SPATS2L: variants seen among roughly 807,000 people sequenced by gnomAD.
SPATS2L encodes spermatogenesis associated serine rich 2 like.
In SPATS2L, 30 loss-of-function variants were observed where a neutral mutation model predicts 59.6. The ratio of observed to expected loss-of-function variants is 0.50; its 90% CI spans 0.38 to 0.68. SPATS2L has a LOEUF of 0.68. SPATS2L is among the 30% of genes least tolerant of loss of function. The pLI is 0.00. For synonymous variants in SPATS2L, 252 were observed against 263.5 expected (o/e 0.96, Z 0.42); for missense variants, 615 against 700.0 (o/e 0.88, Z 1.37).
intron 3 of SPATS2L, among the ~76,000 whole-genome samples, chr2:200,406,317 T>C (rs1361993309): frequency 6.6e-6 from 1 of 152,110 alleles, no homozygotes; most frequent in Non-Finnish European, 1.5e-5. Flanking sequence ...TTTAGCTTTA[T>C]TATTTTTATT....
intron 3 of SPATS2L, among the ~76,000 whole-genome samples, chr2:200,408,675 G>A (rs1479296729): frequency 6.6e-6 from 1 of 152,218 alleles, no homozygotes; most frequent in East Asian, 1.9e-4. Context: ...GTGCAGAGAA[G>A]GCAAGTTAGT....
chr2:200,446,681 T>G (rs2085070368), intron 8 of SPATS2L, among the ~76,000 whole-genome samples: 1 of 152,152 alleles, frequency 6.6e-6, no homozygotes. Flanking sequence ...TCGGTTCTGC[T>G]GGAGCACCTT....
rs1337476410 is a variant in SPATS2L, at chr2:200,419,295, A to G, written c.244A>G (p.Lys82Glu). 1.3e-6 allele frequency: 2 copies of G among 1,599,060 alleles called. No individual in the cohort carries two copies. Among genetic ancestry groups the G allele is most frequent in the East Asian group, 4.5e-5 (2 of 44,272 alleles). The change falls in exon 6 of 13, where the codon AAA (lysine) becomes GAA (glutamate). Residue 82 changes from lysine to glutamate, a missense_variant. This residue lies in a region of SPATS2L where 227 missense variants were observed against 257.4 expected (regional missense o/e 0.88). Coordinates refer to ENST00000409140, the MANE Select transcript of SPATS2L (RefSeq NM_001100423.2). ...RSKSKQHQGN[K>E]DAKDKVERPE... is the part of the protein sequence containing the mutation. ...CAAGTCCAAGCAGCATCAAGGCAAC[A>G]AAGATGCTAAAGACAAGGTGGAGAG... is the stretch of plus-strand genomic sequence containing the variant.
chr2:200,373,270 C>CAAAAAAA (rs3856514), intron 2 of SPATS2L: 18 of 105,990 alleles, frequency 1.7e-4, no homozygotes, highest in African/African-American at 2.7e-4. Context: ...ACTGCCTTAA[C>CAAAAAAA]AAAAAAAAAA....
chr2:200,441,739 T>A (rs1430956202), intron 8 of SPATS2L, among the ~76,000 whole-genome samples: 3 of 152,144 alleles, frequency 2.0e-5, no homozygotes, highest in Non-Finnish European at 4.4e-5. Flanking sequence ...GAGGGCTTCA[T>A]CTGAAATAGC....
In SPATS2L at chr2:200,306,708, G is replaced by A. The variant is rs538611368; in HGVS notation, c.-287G>A. Reference sequence around the variant, plus strand: ...GCCGAGCCGGAGTTGTGTCAGTGAAGGAATCCAGTCCGGGGGCCGAGCTGG... The same window carrying A: ...GCCGAGCCGGAGTTGTGTCAGTGAAAGAATCCAGTCCGGGGGCCGAGCTGG... On this transcript the variant is annotated 5_prime_UTR_variant, in exon 1 of 13. Coordinates refer to ENST00000409140, the MANE Select transcript of SPATS2L (RefSeq NM_001100423.2). The A allele has an allele frequency of 2.1e-4, 211 of 984,140 alleles. 1 individual carries two copies. The South Asian group carries it at 8.9e-3, about 41-fold the overall frequency. 61.0% of individuals were successfully genotyped at this position (984,140 alleles called of 1,614,324 possible).
At chr2:200,419,026 T>C (rs374102332) in intron 5 of SPATS2L, among the ~76,000 whole-genome samples, 47 of 152,298 alleles carry the variant, frequency 3.1e-4, no homozygotes, top group African/African-American at 1.1e-3. Context: ...TATTGGAACC[T>C]TTTTTATTGT....
chr2:200,374,544 A>G (rs961947830), intron 2 of SPATS2L, among the ~76,000 whole-genome samples: 1 of 152,088 alleles, frequency 6.6e-6, no homozygotes, highest in African/African-American at 2.4e-5. Flanking sequence ...CCCACCAAGA[A>G]TAGGCATTGG....
At chr2:200,445,318 ATAAT>A (rs574006392) in intron 8 of SPATS2L, among the ~76,000 whole-genome samples, 1 of 152,182 alleles carries the variant, frequency 6.6e-6, no homozygotes, top group African/African-American at 2.4e-5. Context: ...GCCTCAAAAA[ATAAT>A]TAATAATAAA....
In SPATS2L at chr2:200,478,330, A is replaced by T. The variant is rs1450334771; in HGVS notation, c.*299A>T. The T allele has an allele frequency of 3.7e-5, 9 of 245,304 alleles. No homozygotes were observed. The highest frequency in any genetic ancestry group is 6.2e-5 in the Non-Finnish European group (8 of 129,594). The allele number at this position is 245,304 out of a possible 1,614,324, so 15.2% of individuals were successfully genotyped here. On this transcript the variant is annotated 3_prime_UTR_variant, in exon 13 of 13. Coordinates refer to ENST00000409140, the MANE Select transcript of SPATS2L (RefSeq NM_001100423.2). Reference sequence around the variant, plus strand: ...CTGAAGATCAGAGGCTCAGTTAGCAACCTGTGTTGTAGCAGTGATGTCAGT... The same window carrying T: ...CTGAAGATCAGAGGCTCAGTTAGCATCCTGTGTTGTAGCAGTGATGTCAGT...
rs1350594643 is a variant in SPATS2L, at chr2:200,306,829, C to T, written c.-166C>T. ...CCCGCTCGGCCCGCCCTCCGAGCCG[C>T]AGGGGCCGCCACCGCCGCGGCGCCT... On this transcript the variant is annotated 5_prime_UTR_variant, in exon 1 of 13. Transcript: ENST00000409140. 1.0e-6 allele frequency: 1 copy of T among 980,870 alleles called. No individual in the cohort carries two copies. The highest frequency in any genetic ancestry group is 1.2e-6 in the Non-Finnish European group (1 of 828,154). The allele number at this position is 980,870 out of a possible 1,614,324, so 60.8% of individuals were successfully genotyped here.
intron 8 of SPATS2L, among the ~76,000 whole-genome samples, chr2:200,441,502 A>T (rs2084698150): frequency 6.6e-6 from 1 of 152,206 alleles, no homozygotes; most frequent in Non-Finnish European, 1.5e-5. Flanking sequence ...TATACATGAA[A>T]ATTACAGAAG....
intron 12 of SPATS2L, among the ~76,000 whole-genome samples, chr2:200,476,496 C>G (rs879799293): frequency 6.6e-5 from 10 of 152,218 alleles, no homozygotes; most frequent in Admixed American, 4.6e-4. Flanking sequence ...TTCCTTGACC[C>G]CTTCACAGGC....
chr2:200,472,960 C>A lies in SPATS2L; in HGVS notation c.1189C>A (p.Pro397Thr). Residue 397 changes from proline to threonine, a missense_variant, in exon 12 of 13, where the codon CCC becomes ACC. Around this residue, in one of 3 missense-constraint regions of SPATS2L, gnomAD observed 284 missense variants for 280.1 expected, o/e 1.01. Coordinates refer to ENST00000409140, the MANE Select transcript of SPATS2L (RefSeq NM_001100423.2). ...CCGAAAATCATCCACTCACAATAAG[C>A]CCTCTGAAGGCAAAGCGGCAAACCC... ...FSRKSSTHNK[P>T]SEGKAANPKM... The A allele has an allele frequency of 2.5e-6, 4 of 1,613,894 alleles. No homozygotes were observed. The East Asian group carries it at 6.7e-5, about 27-fold the overall frequency.
Position 200,412,385 on chromosome 2 carries a change from T to A in SPATS2L, c.114T>A (p.Phe38Leu). ...TCCTGGTGCTCCAACAGTTTGATTT[T>A]AATGTGGATAAAGCCGTGCAAGCCT... ...EIVLVLQQFD[F>L]NVDKAVQAFV... is the part of the protein sequence containing the mutation. The change falls in exon 4 of 13, where the codon TTT becomes TTA. Residue 38 changes from phenylalanine (F) to leucine (L), a missense_variant. Transcript: ENST00000409140. The A allele has an allele frequency of 1.2e-6, 2 of 1,608,704 alleles. No homozygotes were observed. Among genetic ancestry groups the A allele is most frequent in the Non-Finnish European group, 1.7e-6 (2 of 1,177,318 alleles).
At chr2:200,315,552 C>G (rs577250707) in intron 1 of SPATS2L, among the ~76,000 whole-genome samples, 1 of 152,282 alleles carries the variant, frequency 6.6e-6, no homozygotes, top group African/African-American at 2.4e-5. Context: ...CCCAACTCCC[C>G]TACTGTCTGG....
intron 2 of SPATS2L, among the ~76,000 whole-genome samples, chr2:200,385,326 C>T (rs1386732602): frequency 6.6e-6 from 1 of 152,174 alleles, no homozygotes; most frequent in African/African-American, 2.4e-5. Flanking sequence ...CTGGGCCTGT[C>T]ATGTGAAATC....
At chr2:200,367,191 T>C (rs891347987) in intron 2 of SPATS2L, among the ~76,000 whole-genome samples, 3 of 152,254 alleles carry the variant, frequency 2.0e-5, no homozygotes, top group African/African-American at 7.2e-5. Context: ...TTCTTTTATC[T>C]TTGGGCAAAA....
At chr2:200,374,307 C>T (rs1347975181) in intron 2 of SPATS2L, among the ~76,000 whole-genome samples, 1 of 152,124 alleles carries the variant, frequency 6.6e-6, no homozygotes, top group Non-Finnish European at 1.5e-5. Flanking sequence ...CTTCCTCATA[C>T]CTGCAGTGCC....
Sources: allele counts gnomAD v4.1 joint callset (sites outside exome capture counted in the v4.1 genomes callset), GRCh38; gene constraint gnomAD v4.1.1; regional missense constraint gnomAD v4.1.1; transcripts MANE v1.5; gene names NCBI Gene and HGNC (gene_info 2026-07-23, HGNC 2026-07-21).